The following CDYL2 variants were observed in gnomAD, a reference collection of about 807,000 sequenced individuals.
CDYL2 encodes the protein chromodomain Y like 2, also known as chromodomain Y-like protein 2.
Under a neutral mutation model 49.4 loss-of-function variants are expected in CDYL2, and 23 were observed. The ratio of observed to expected loss-of-function variants is 0.47; its 90% confidence interval spans 0.34 to 0.66. The LOEUF (loss-of-function observed/expected upper bound fraction) is 0.66. Among genes scored for constraint, CDYL2 ranks in the 30% least tolerant of loss-of-function variants. CDYL2 has a pLI of 0.01. For synonymous variants in CDYL2, 360 were observed against 268.8 expected, an observed-to-expected ratio of 1.34 and a Z score of -3.32; for missense variants, 678 against 656.4, an observed-to-expected ratio of 1.03 and a Z score of -0.36.
chr16:80,609,799 A>G (rs943387102), intron 5 of CDYL2, among the ~76,000 whole-genome samples: 119 of 152,306 alleles, frequency 7.8e-4, no homozygotes, highest in South Asian at 4.4e-3. Context: ...CTAAGGATTC[A>G]GAGAGAAAGG....
At chr16:80,737,069 T>C (rs1444710332) in intron 1 of CDYL2, among the ~76,000 whole-genome samples, 1 of 152,184 alleles carries the variant, frequency 6.6e-6, no homozygotes, top group African/African-American at 2.4e-5. Context: ...ATTTGCTTCA[T>C]GCCCCCTTTG....
intron 1 of CDYL2, among the ~76,000 whole-genome samples, chr16:80,693,385 T>C (rs1449968574): frequency 1.3e-5 from 2 of 152,170 alleles, no homozygotes; most frequent in Non-Finnish European, 2.9e-5. Context: ...AAGGTCTATA[T>C]TGCAAAAGAA....
At chr16:80,672,318 T>TAC (rs68135845) in intron 2 of CDYL2, among the ~76,000 whole-genome samples, 230 of 126,942 alleles carry the variant, frequency 1.8e-3, no homozygotes, top group African/African-American at 4.4e-3. Flanking sequence ...TACAAAATGT[T>TAC]ACACACACAC....
chr16:80,659,557 T>C (rs1392501747), intron 2 of CDYL2, among the ~76,000 whole-genome samples: 1 of 151,594 alleles, frequency 6.6e-6, no homozygotes, highest in Non-Finnish European at 1.5e-5. Context: ...TACACTCAGA[T>C]GGTACAGAAA....
At position 80,599,138 on chromosome 16, in the gene CDYL2, A is replaced by T. The variant is rs1025777473; in HGVS notation, c.*5250T>A. 2.0e-5 allele frequency: 3 copies of T among 152,196 alleles called. No individual in the cohort carries two copies. The highest frequency in any genetic ancestry group is 4.4e-5 in the Non-Finnish European group (3 of 68,044). 9.4% of individuals were successfully genotyped at this position (152,196 alleles called of 1,614,324 possible). Reference sequence around the variant, plus strand: ...GCTCCAGCATCAGGCTAGATGTTGGATCAATGATATAAGGTTAAGCCATAA... The same window carrying T: ...GCTCCAGCATCAGGCTAGATGTTGGTTCAATGATATAAGGTTAAGCCATAA... On this transcript the variant is annotated 3_prime_UTR_variant, in exon 7 of 7. Transcript: ENST00000570137.
rs1457024248 is a variant in CDYL2, at chr16:80,598,121, A to G, written c.*6267T>C. On this transcript the variant is annotated 3_prime_UTR_variant, in exon 7 of 7. Transcript: ENST00000570137. ...AGTACTGCACCCAGTCTCAGTAAATATTTACAACATGGTGAGAAGGGGTCA... is the reference window on the plus strand; with the variant it reads ...AGTACTGCACCCAGTCTCAGTAAATGTTTACAACATGGTGAGAAGGGGTCA... 1 of 152,196 alleles carries G rather than the reference A, an allele frequency of 6.6e-6. No homozygotes were observed. Among genetic ancestry groups the G allele is most frequent in the East Asian group, 1.9e-4 (1 of 5,192 alleles). 9.4% of individuals were successfully genotyped at this position (152,196 alleles called of 1,614,324 possible). A position where few individuals can be genotyped will look rare whatever the true frequency, so the allele number is the denominator to read the frequency against.
chr16:80,733,968 G>C (rs567739786), intron 1 of CDYL2, among the ~76,000 whole-genome samples: 1 of 152,114 alleles, frequency 6.6e-6, no homozygotes, highest in Non-Finnish European at 1.5e-5. Context: ...GACCCACAAG[G>C]CCTTTCAGAA....
At chr16:80,794,009 ATC>A (rs1328813593) in intron 1 of CDYL2, among the ~76,000 whole-genome samples, 1 of 152,194 alleles carries the variant, frequency 6.6e-6, no homozygotes, top group Non-Finnish European at 1.5e-5. Context: ...TGGTTTGACC[ATC>A]TTGTCTTGGA....
At position 80,667,997 on chromosome 16, in the gene CDYL2, T is replaced by C. The variant is rs577855099; in HGVS notation, c.616+16541A>G. 1.8e-4 allele frequency among the ~76,000 whole-genome samples: 27 copies of C among 152,262 alleles called. 1 individual carries two copies. The South Asian group carries it at 5.4e-3, about 30-fold the overall frequency. ...GGGAGAGACACAAGTGGAAGGAACA[T>C]GAGAAGATGCTCACCCACATTTAGA... is the stretch of plus-strand genomic sequence containing the variant. On this transcript the variant is annotated intron_variant, in intron 2 of 6. Coordinates refer to ENST00000570137, the MANE Select transcript of CDYL2 (RefSeq NM_152342.4).
chr16:80,619,060 G>A (rs968601141), intron 4 of CDYL2, among the ~76,000 whole-genome samples: 3 of 152,122 alleles, frequency 2.0e-5, no homozygotes, highest in Non-Finnish European at 2.9e-5. Context: ...GTCAGGCCTC[G>A]CTCCCAGTTT....
At chr16:80,663,314 G>T (rs1342958105) in intron 2 of CDYL2, among the ~76,000 whole-genome samples, 4 of 149,736 alleles carry the variant, frequency 2.7e-5, no homozygotes. Flanking sequence ...TAAAAGAGAA[G>T]ACTCATCAGT....
intron 2 of CDYL2, among the ~76,000 whole-genome samples, chr16:80,646,796 CAAACAAAACAAAACA>C (rs922579126): frequency 6.6e-6 from 1 of 150,632 alleles, no homozygotes; most frequent in African/African-American, 2.4e-5. Flanking sequence ...TCAAAACAAA[CAAACAAAACAAAACA>C]AAACAAAACA....
chr16:80,729,158 A>G (rs539979777), intron 1 of CDYL2, among the ~76,000 whole-genome samples: 1 of 152,260 alleles, frequency 6.6e-6, no homozygotes, highest in Non-Finnish European at 1.5e-5. Flanking sequence ...ACACTGGCAA[A>G]TTGGATAAAG....
chr16:80,717,485 C>T (rs1480401116), intron 1 of CDYL2, among the ~76,000 whole-genome samples: 1 of 152,214 alleles, frequency 6.6e-6, no homozygotes, highest in Non-Finnish European at 1.5e-5. Flanking sequence ...CAGAGGTAAC[C>T]TGAGCTGGGG....
intron 1 of CDYL2, among the ~76,000 whole-genome samples, chr16:80,713,442 T>C (rs547774708): frequency 6.6e-6 from 1 of 152,222 alleles, no homozygotes; most frequent in East Asian, 1.9e-4. Context: ...ACCACAGCCA[T>C]AGGTTACTGT....
intron 1 of CDYL2, among the ~76,000 whole-genome samples, chr16:80,758,449 T>G (rs1214245560): frequency 6.6e-6 from 1 of 151,998 alleles, no homozygotes; most frequent in African/African-American, 2.4e-5. Context: ...ATCCCAAATG[T>G]GTACAACACT....
chr16:80,672,485 GA>G lies in CDYL2; in HGVS notation c.616+12052del, dbSNP rs1382182626. 2.7e-5 allele frequency among the ~76,000 whole-genome samples: 4 copies of G among 146,958 alleles called. 1 individual carries two copies. The highest frequency in any genetic ancestry group is 1.0e-4 in the African/African-American group (4 of 38,856). On this transcript the variant is annotated intron_variant, in intron 2 of 6. Transcript: ENST00000570137. ...AAAATGCCCAGGAAAAGAAAGAAAG[GA>G]AAGAAAGAAGGAAAGGAAAGAAGGA...
rs553748038 is a variant in CDYL2 at position 80,753,817 on chromosome 16, C to T, written c.24+50333G>A. 3.9e-5 allele frequency among the ~76,000 whole-genome samples: 6 copies of T among 152,072 alleles called. 1 individual carries two copies. The highest frequency in any genetic ancestry group is 3.9e-4 in the East Asian group (2 of 5,170). On this transcript the variant is annotated intron_variant, in intron 1 of 6. Coordinates refer to ENST00000570137, the MANE Select transcript of CDYL2 (RefSeq NM_152342.4). ...ATTAAAATGACGAATGTCTGCTTAT[C>T]GAAAGACACAATTAAAAGAATAAAA...
In CDYL2 at chr16:80,742,781, G is replaced by A. The variant is rs141948393; in HGVS notation, c.25-57652C>T. The stretch of plus-strand genomic sequence containing the variant: ...GGATAGATGGATTGATGGATAGATG[G>A]GCAGATGGATGGACTGACAAATAGA... On this transcript the variant is annotated intron_variant, in intron 1 of 6. Coordinates refer to ENST00000570137, the MANE Select transcript of CDYL2 (RefSeq NM_152342.4). Among the ~76,000 whole-genome samples, 724 of 149,050 alleles carry A rather than the reference G, an allele frequency of 4.9e-3. 6 individuals carry two copies. Among genetic ancestry groups the A allele is most frequent in the African/African-American group, 0.016 (653 of 40,584 alleles).
Sources: gnomAD v4.1 joint callset for allele counts (sites outside exome capture counted in the v4.1 genomes callset) on GRCh38, gnomAD v4.1.1 for gene constraint, MANE v1.5 for transcripts, NCBI Gene and HGNC (gene_info 2026-07-23, HGNC 2026-07-21) for gene names.